Variants in ARL6IP6 observed in about 807,000 individuals in gnomAD.
The protein encoded by ARL6IP6 is ARF like GTPase 6 interacting protein 6.
Under a neutral mutation model 21.5 loss-of-function variants are expected in ARL6IP6, and 22 were observed. The observed-to-expected ratio is 1.02, with a 90% CI of 0.73 to 1.46. The LOEUF (loss-of-function observed/expected upper bound fraction) is 1.46. ARL6IP6 is among the 40% of genes most tolerant of loss of function. The pLI is 0.00. For missense variants in ARL6IP6, 388 were observed against 299.8 expected (o/e 1.29, Z -2.17); for synonymous variants, 164 against 125.3 (o/e 1.31, Z -2.06).
intron 3 of ARL6IP6, among the ~76,000 whole-genome samples, chr2:152,750,992 T>G (rs16831740): frequency 0.15 from 22,645 of 152,170 alleles, 1,908 homozygotes; most frequent in East Asian, 0.26. Context: ...TGAAGTAAAA[T>G]GGAAGGTCTT....
chr2:152,738,308 T>TAGTGCAAGCTGTC (rs1382030135), intron 3 of ARL6IP6, among the ~76,000 whole-genome samples: 1 of 152,218 alleles, frequency 6.6e-6, no homozygotes, highest in African/African-American at 2.4e-5. Flanking sequence ...TCCAGGCACA[T>TAGTGCAAGCTGTC]AGTGCAAGCT....
chr2:152,724,511 AATTAGCC>A (rs1467719386), intron 2 of ARL6IP6, among the ~76,000 whole-genome samples: 1 of 152,204 alleles, frequency 6.6e-6, no homozygotes, highest in East Asian at 1.9e-4. Context: ...TATCAGCAAG[AATTAGCC>A]ATGTGCAGCT....
At chr2:152,753,834 C>A (rs923339092) in intron 3 of ARL6IP6, among the ~76,000 whole-genome samples, 1 of 151,670 alleles carries the variant, frequency 6.6e-6, no homozygotes, top group Non-Finnish European at 1.5e-5. Flanking sequence ...GTAGCTGGCA[C>A]TACAGGCGCT....
intron 2 of ARL6IP6, among the ~76,000 whole-genome samples, chr2:152,724,952 G>A (rs1036032770): frequency 3.3e-5 from 5 of 151,578 alleles, no homozygotes; most frequent in Non-Finnish European, 2.9e-5. Context: ...TTGCTTTTAC[G>A]GAATCTTAGA....
At chr2:152,748,469 C>A (rs2105169078) in intron 3 of ARL6IP6, among the ~76,000 whole-genome samples, 1 of 152,208 alleles carries the variant, frequency 6.6e-6, no homozygotes, top group East Asian at 1.9e-4. Flanking sequence ...CCAAACAAAG[C>A]TTATACAGCT....
chr2:152,734,917 G>C, intron 2 of ARL6IP6, 77 bp from the exon 3 acceptor site: 1 of 1,418,134 alleles, frequency 7.1e-7, no homozygotes, highest in Non-Finnish European at 9.8e-7. Context: ...TACATGATCT[G>C]AACATGAGAG....
chr2:152,719,534 C>T (rs1451515131), intron 1 of ARL6IP6, among the ~76,000 whole-genome samples: 1 of 151,922 alleles, frequency 6.6e-6, no homozygotes, highest in African/African-American at 2.4e-5. Context: ...AGTTTGTATC[C>T]AGGTGTAGTG....
chr2:152,720,251 A>T (rs993729804), intron 1 of ARL6IP6: 4 of 451,168 alleles, frequency 8.9e-6, no homozygotes, highest in South Asian at 2.4e-5. Flanking sequence ...TAGAGAAAGG[A>T]ACTGAACTCC....
intron 3 of ARL6IP6, among the ~76,000 whole-genome samples, chr2:152,745,628 C>G (rs960258100): frequency 6.6e-6 from 1 of 152,164 alleles, no homozygotes; most frequent in African/African-American, 2.4e-5. Flanking sequence ...TTTGTCGAAT[C>G]AGATTCTTTA....
chr2:152,723,467 G>A (rs996891915), intron 2 of ARL6IP6, among the ~76,000 whole-genome samples: 1 of 151,932 alleles, frequency 6.6e-6, no homozygotes, highest in African/African-American at 2.4e-5. Context: ...TAATATTTCC[G>A]TGACTCATAT....
In ARL6IP6 at chr2:152,747,886, G is replaced by T. The variant is rs549415278; in HGVS notation, c.588-11861G>T. Among the ~76,000 whole-genome samples, 4 of 151,952 alleles carry T rather than the reference G, an allele frequency of 2.6e-5. No homozygotes were observed. In the East Asian group the frequency reaches 5.8e-4, roughly 22 times the overall value. On this transcript the variant is annotated intron_variant, in intron 3 of 3. Transcript: ENST00000326446. ...ATGCCTGGCCAAAATTTTTTTTGTA[G>T]AAACAATGTCTCCCTATATGCTCAG... is the stretch of plus-strand genomic sequence containing the variant.
chr2:152,720,103 G>GAATGTGCATGGAATGTAAATTAT, intron 1 of ARL6IP6: 5 of 338,602 alleles, frequency 1.5e-5, no homozygotes, highest in East Asian at 1.6e-4. Context: ...GCCCTTTTTT[G>GAATGTGCATGGAATGTAAATTAT]CAATTCTGAT....
intron 3 of ARL6IP6, among the ~76,000 whole-genome samples, chr2:152,746,946 C>G (rs1434181328): frequency 6.6e-6 from 1 of 151,124 alleles, no homozygotes; most frequent in Non-Finnish European, 1.5e-5. Context: ...CTGCCTCCGC[C>G]TCCCAAATTG....
intron 3 of ARL6IP6, among the ~76,000 whole-genome samples, chr2:152,751,895 G>A (rs1412183638): frequency 6.6e-6 from 1 of 152,144 alleles, no homozygotes; most frequent in Non-Finnish European, 1.5e-5. Flanking sequence ...ATACCCAGTA[G>A]TGGAATTGCT....
intron 3 of ARL6IP6, among the ~76,000 whole-genome samples, chr2:152,739,505 T>C (rs1376279264): frequency 1.3e-5 from 2 of 152,196 alleles, no homozygotes; most frequent in Non-Finnish European, 2.9e-5. Flanking sequence ...GGAGACCACC[T>C]CAACCTGGAC....
At position 152,718,799 on chromosome 2, in the gene ARL6IP6, T is replaced by A; in HGVS notation, c.175T>A (p.Phe59Ile). The A allele has an allele frequency of 6.2e-7, 1 of 1,607,396 alleles. No homozygotes were observed. The highest frequency in any genetic ancestry group is 8.5e-7 in the Non-Finnish European group (1 of 1,176,836). Residue 59 changes from phenylalanine (F) to isoleucine (I), a missense_variant, in exon 1 of 4, where the codon TTC (phenylalanine) becomes ATC (isoleucine). Coordinates refer to ENST00000326446, the MANE Select transcript of ARL6IP6 (RefSeq NM_152522.7). ...AGTGGCCCGCGACCTGCGGGCGGAG[T>A]TCTCGGCTGGGGCGTGGTCAGAGCC... ...DQVARDLRAE[F>I]SAGAWSEPRK...
At position 152,719,040 on chromosome 2, in the gene ARL6IP6, C is replaced by T. The variant is rs1451044357; in HGVS notation, c.400+16C>T. The T allele has an allele frequency of 2.0e-6, 3 of 1,518,884 alleles. No homozygotes were observed. Among genetic ancestry groups the T allele is most frequent in the South Asian group, 1.3e-5 (1 of 77,304 alleles). The allele number at this position is 1,518,884 out of a possible 1,614,324, so 94.1% of individuals were successfully genotyped here. On this transcript the variant is annotated intron_variant, in intron 1 of 3. Coordinates refer to ENST00000326446, the MANE Select transcript of ARL6IP6 (RefSeq NM_152522.7). ...ATCGTTAAAGGTATTGAAGCCGACGCCTTGAAAGTCTGTCCAGAGTAAAGT... is the reference window on the plus strand; with the variant it reads ...ATCGTTAAAGGTATTGAAGCCGACGTCTTGAAAGTCTGTCCAGAGTAAAGT...
At position 152,759,996 on chromosome 2, in the gene ARL6IP6, T is replaced by C. The variant is rs1701762136; in HGVS notation, c.*156T>C. On this transcript the variant is annotated 3_prime_UTR_variant, in exon 4 of 4. Transcript: ENST00000326446. ...ATCATCCTCATTATGGAAGACCTTT[T>C]AAAGCATTGTTTTAGAATGTCTGAG... is the stretch of plus-strand genomic sequence containing the variant. The C allele has an allele frequency of 6.7e-6, 4 of 598,392 alleles. No individual in the cohort carries two copies. The highest frequency in any genetic ancestry group is 3.0e-5 in the Admixed American group (1 of 33,100). The allele number at this position is 598,392 out of a possible 1,614,324, so 37.1% of individuals were successfully genotyped here.
At position 152,746,696 on chromosome 2, in the gene ARL6IP6, A is replaced by G. The variant is rs138286630; in HGVS notation, c.587+11570A>G. Among the ~76,000 whole-genome samples, 77 of 152,276 alleles carry G rather than the reference A, an allele frequency of 5.1e-4. No individual in the cohort carries two copies. The East Asian group carries it at 0.01, about 20-fold the overall frequency. ...CAACAGATACGTCAGATGATAAAGC[A>G]GACATAGTGTCAGAGGTTTTCTTTT... On this transcript the variant is annotated intron_variant, in intron 3 of 3. Coordinates refer to ENST00000326446, the MANE Select transcript of ARL6IP6 (RefSeq NM_152522.7).
Sources: gnomAD v4.1 joint callset for allele counts (sites outside exome capture counted in the v4.1 genomes callset) on GRCh38, gnomAD v4.1.1 for gene constraint, MANE v1.5 for transcripts, NCBI Gene and HGNC (gene_info 2026-07-23, HGNC 2026-07-21) for gene names.